The following TRIM51 variants were observed in gnomAD, a reference collection of about 807,000 sequenced individuals.
TRIM51 encodes tripartite motif-containing 51, also known as tripartite motif-containing protein 51.
A neutral mutation model predicts 32.7 loss-of-function variants in TRIM51; 23 were observed. The ratio of observed to expected loss-of-function variants is 0.70; its 90% CI spans 0.51 to 1.00. TRIM51 has a LOEUF of 1.00. TRIM51 is among the 50% of genes least tolerant of loss of function. The probability of loss-of-function intolerance (pLI) is 0.00; values close to 1 mark genes in which losing one functional copy is unlikely to be tolerated. For synonymous variants in TRIM51, 177 were observed against 181.9 expected, an observed-to-expected ratio of 0.97 and a Z score of 0.22; for missense variants, 592 against 539.2, an observed-to-expected ratio of 1.10 and a Z score of -0.97.
At chr11:55,885,940 A>G in intron 2 of TRIM51, 101 bp downstream of exon 2, 1 of 1,577,690 alleles carries the variant, frequency 6.3e-7, no homozygotes, top group Non-Finnish European at 8.6e-7. Context: ...GTGTCCCCTT[A>G]AGCATGTCTG....
intron 1 of TRIM51, among the ~76,000 whole-genome samples, chr11:55,884,808 C>A (rs1461434962): frequency 6.6e-6 from 1 of 151,790 alleles, no homozygotes; most frequent in Non-Finnish European, 1.5e-5. Context: ...TTTGAGTAGC[C>A]CAAAGAAGAA....
chr11:55,887,405 AATAT>A (rs1327115025), intron 3 of TRIM51, among the ~76,000 whole-genome samples: 1 of 151,660 alleles, frequency 6.6e-6, no homozygotes, highest in African/African-American at 2.4e-5. Context: ...ATATTTGAGA[AATAT>A]ATATATGAGT....
rs997931849 is a variant in TRIM51, at chr11:55,887,395, A to T, written c.508-637A>T. Among the ~76,000 whole-genome samples, 69 of 151,724 alleles carry T rather than the reference A, an allele frequency of 4.5e-4. 1 individual carries two copies. The highest frequency in any genetic ancestry group is 1.6e-3 in the African/African-American group (67 of 41,386). The stretch of plus-strand genomic sequence containing the variant: ...ATTCCTCATATATCCATATATACCT[A>T]TATTTGAGAAATATATATATGAGTA... On this transcript the variant is annotated intron_variant, in intron 3 of 6. Coordinates refer to ENST00000449290, the MANE Select transcript of TRIM51 (RefSeq NM_032681.4).
rs1306851777 is a variant in TRIM51 at position 55,888,966 on chromosome 11, T to G, written c.739-13T>G. The G allele has an allele frequency of 6.2e-7, 1 of 1,610,788 alleles. No homozygotes were observed. Among genetic ancestry groups the G allele is most frequent in the Non-Finnish European group, 8.5e-7 (1 of 1,178,358 alleles). On this transcript the variant is annotated splice_polypyrimidine_tract_variant and intron_variant, in intron 4 of 6. Coordinates refer to ENST00000449290, the MANE Select transcript of TRIM51 (RefSeq NM_032681.4). ...GGAAAGCGCTAAGCCTTTCTATTTT[T>G]TTTTTTTTACAGGCTTTTGGAGACA...
rs1338091842 is a variant in TRIM51 at position 55,888,037 on chromosome 11, T to C, written c.513T>C (p.Tyr171=). ...ETTRTRCWKD[Y]VSLRIEAIRA... is the part of the protein sequence containing the mutation. ...TTGACTAATTGTCACTGCAGGATTA[T>C]GTGAGTTTAAGGATAGAAGCAATCA... Residue 171 remains tyrosine, a synonymous_variant, in exon 4 of 7, where the codon TAT becomes TAC. Coordinates refer to ENST00000449290, the MANE Select transcript of TRIM51 (RefSeq NM_032681.4). 5 of 1,588,178 alleles carry C rather than the reference T, an allele frequency of 3.1e-6. No homozygotes were observed. The African/African-American group carries it at 5.4e-5, about 17-fold the overall frequency.
In TRIM51 at chr11:55,885,463, C is replaced by A. The variant is rs190958552; in HGVS notation, c.35C>A (p.Ala12Glu). Reference protein sequence around the residue: ...NSGILQVFQRALTCPICMNYF... With the variant: ...NSGILQVFQRELTCPICMNYF... ...GGAATCTTGCAAGTCTTCCAGAGGG[C>A]ACTCACCTGTCCCATCTGCATGAAC... Residue 12 changes from alanine to glutamate, a missense_variant, in exon 2 of 7, where the codon GCA becomes GAA. Physicochemically the swap from Ala to Glu is moderately radical, Grantham distance 107 (BLOSUM62 -1). Transcript: ENST00000449290. The A allele has an allele frequency of 2.0e-4, 322 of 1,611,868 alleles. 4 individuals are homozygous for A. In the South Asian group the frequency reaches 2.3e-3, roughly 12 times the overall value.
chr11:55,886,211 G>T lies in TRIM51; in HGVS notation c.500G>T (p.Cys167Phe). 1 of 1,613,198 alleles carries T rather than the reference G, an allele frequency of 6.2e-7. No individual in the cohort carries two copies. The highest frequency in any genetic ancestry group is 1.3e-5 in the African/African-American group (1 of 74,964). ...AACATGGAAACCACAAGAACCAGATGCTGGAAGGTTAGTACCGTATGACTC... is the reference window on the plus strand; with the variant it reads ...AACATGGAAACCACAAGAACCAGATTCTGGAAGGTTAGTACCGTATGACTC... ...NLNMETTRTR[C>F]WKDYVSLRIE... Residue 167 changes from cysteine to phenylalanine, a missense_variant, in exon 3 of 7, where the codon TGC (cysteine) becomes TTC (phenylalanine). Transcript: ENST00000449290.
chr11:55,889,124 C>G, intron 5 of TRIM51, 123 bp downstream of exon 5: 1 of 853,728 alleles, frequency 1.2e-6, no homozygotes, highest in Non-Finnish European at 2.0e-6. Flanking sequence ...TGTACTTTCT[C>G]CATCCCCCAC....
rs1172035156 is a variant in TRIM51 at position 55,891,556 on chromosome 11, G to T, written c.1283G>T (p.Ser428Ile). ...RTVSFVDVDQ[S>I]SLIYTIPNCS... ...GTGAGCTTTGTTGATGTTGATCAAAGTTCCCTGATATACACCATCCCCAAT... is the reference window on the plus strand; with the variant it reads ...GTGAGCTTTGTTGATGTTGATCAAATTTCCCTGATATACACCATCCCCAAT... The change falls in exon 7 of 7, where the codon AGT (serine) becomes ATT (isoleucine). Residue 428 changes from serine (S) to isoleucine (I), a missense_variant. Transcript: ENST00000449290. The T allele has an allele frequency of 1.9e-6, 3 of 1,613,510 alleles. No individual in the cohort carries two copies. Among genetic ancestry groups the T allele is most frequent in the Admixed American group, 1.7e-5 (1 of 59,990 alleles).
intron 1 of TRIM51, among the ~76,000 whole-genome samples, 197 bp from the exon 2 acceptor site, chr11:55,885,228 T>A (rs1027438434): frequency 6.6e-6 from 1 of 152,200 alleles, no homozygotes; most frequent in Non-Finnish European, 1.5e-5. Context: ...TTGTGAGTCA[T>A]CTAGTCAGCA....
intron 3 of TRIM51, 47 bp downstream of exon 3, chr11:55,886,265 A>T (rs373149787): frequency 7.1e-7 from 1 of 1,408,776 alleles, no homozygotes; most frequent in Non-Finnish European, 1.0e-6. Context: ...ATAGTGAACA[A>T]ATGGGTGACT....
rs1854654143 is a variant in TRIM51, at chr11:55,891,780, G to A, written c.*148G>A. On this transcript the variant is annotated 3_prime_UTR_variant, in exon 7 of 7. Coordinates refer to ENST00000449290, the MANE Select transcript of TRIM51 (RefSeq NM_032681.4). ...AATGTCATCAAAACTCATTTATAGT[G>A]TTTCTATTAAATATGGTGAAAACAT... is the stretch of plus-strand genomic sequence containing the variant. 3 of 896,430 alleles carry A rather than the reference G, an allele frequency of 3.3e-6. No homozygotes were observed. The highest frequency in any genetic ancestry group is 5.0e-6 in the Non-Finnish European group (3 of 595,358). 55.5% of individuals were successfully genotyped at this position (896,430 alleles called of 1,614,324 possible). A position where few individuals can be genotyped will look rare whatever the true frequency, so the allele number is the denominator to read the frequency against.
chr11:55,891,467 G>A lies in TRIM51; in HGVS notation c.1194G>A (p.Val398=). 1 of 1,613,266 alleles carries A rather than the reference G, an allele frequency of 6.2e-7. No individual in the cohort carries two copies. The highest frequency in any genetic ancestry group is 8.5e-7 in the Non-Finnish European group (1 of 1,179,726). Residue 398 remains valine, a synonymous_variant, in exon 7 of 7, where the codon GTG becomes GTA. Transcript: ENST00000449290. The part of the protein sequence containing the change: ...HCSLFTTSPL[V]VQYVPRPTST... The stretch of plus-strand genomic sequence containing the variant: ...GTCTCTTTACCACCTCCCCACTTGT[G>A]GTGCAATATGTTCCAAGACCTACCA...
At chr11:55,884,146 C>CATAACT (rs1264075941) in intron 1 of TRIM51, among the ~76,000 whole-genome samples, 7 of 35,376 alleles carry the variant, frequency 2.0e-4, no homozygotes, top group African/African-American at 6.4e-4. Context: ...AGGATGTGTA[C>CATAACT]ATAACTATAA....
intron 4 of TRIM51, 61 bp downstream of exon 4, chr11:55,888,323 C>T (rs987691448): frequency 1.7e-5 from 20 of 1,204,730 alleles, no homozygotes; most frequent in Non-Finnish European, 2.5e-5. Context: ...TGTTTTTCCT[C>T]TCTCCTGAAC....
Position 55,885,838 on chromosome 11 carries a change from G to C in TRIM51, c.410G>C (p.Arg137Pro), listed in dbSNP as rs753206525. Residue 137 changes from arginine (R) to proline (P), a missense_variant and splice_region_variant, in exon 2 of 7, where the codon CGG becomes CCG. Coordinates refer to ENST00000449290, the MANE Select transcript of TRIM51 (RefSeq NM_032681.4). ...CPIEWAAEERREELLKKMQSL... is the reference protein window; with the variant it reads ...CPIEWAAEERPEELLKKMQSL... The stretch of plus-strand genomic sequence containing the variant: ...ATTGAGTGGGCTGCTGAGGAACGCC[G>C]GGTAAGTGATGCCTCTGAAGATCTA... The C allele has an allele frequency of 1.9e-6, 3 of 1,611,616 alleles. No individual in the cohort carries two copies. Among genetic ancestry groups the C allele is most frequent in the Non-Finnish European group, 2.5e-6 (3 of 1,179,654 alleles).
At chr11:55,889,859 T>A (rs1295016658) in intron 5 of TRIM51, 83 bp from the exon 6 acceptor site, 3 of 962,398 alleles carry the variant, frequency 3.1e-6, no homozygotes, top group African/African-American at 1.6e-5. Flanking sequence ...GGGATTCTCA[T>A]GAAATGTCTT....
rs544411983 is a variant in TRIM51, at chr11:55,885,133, AC to A, written c.-4-289del. 4.6e-3 allele frequency among the ~76,000 whole-genome samples: 700 copies of A among 152,026 alleles called. 8 individuals carry two copies. The highest frequency in any genetic ancestry group is 0.016 in the African/African-American group (683 of 41,480). Reference sequence around the variant, plus strand: ...TCATTCTAGACCACTTAAGATTAAAACCCGAGTTTCATGTCGACATCCAGGG... The same window carrying A: ...TCATTCTAGACCACTTAAGATTAAAACCGAGTTTCATGTCGACATCCAGGG... On this transcript the variant is annotated intron_variant, in intron 1 of 6. Coordinates refer to ENST00000449290, the MANE Select transcript of TRIM51 (RefSeq NM_032681.4).
intron 6 of TRIM51, 64 bp from the exon 7 acceptor site, chr11:55,891,069 C>T: frequency 1.5e-6 from 2 of 1,330,200 alleles, no homozygotes; most frequent in Non-Finnish European, 2.0e-6. Flanking sequence ...AACAACATTT[C>T]CCTCAAGAAT....
Sources: gnomAD v4.1 joint callset for allele counts (sites outside exome capture counted in the v4.1 genomes callset) on GRCh38, gnomAD v4.1.1 for gene constraint, MANE v1.5 for transcripts, NCBI Gene and HGNC (gene_info 2026-07-23, HGNC 2026-07-21) for gene names.